Variants in RASSF6 observed in about 807,000 individuals in gnomAD.
The protein encoded by RASSF6 is ras association domain-containing protein 6.
Under a neutral mutation model 44.0 loss-of-function variants are expected in RASSF6, and 52 were observed. That is an observed-to-expected ratio of 1.18 (90% CI 0.95 to 1.49). RASSF6 has a LOEUF of 1.49. RASSF6 is among the 40% of genes most tolerant of loss of function. RASSF6 has a pLI of 0.00. For synonymous variants in RASSF6, 162 were observed against 124.6 expected (o/e 1.30, Z -2.00); for missense variants, 464 against 393.3 (o/e 1.18, Z -1.52).
At chr4:73,603,588 G>A (rs905068070) in intron 2 of RASSF6, among the ~76,000 whole-genome samples, 5 of 152,128 alleles carry the variant, frequency 3.3e-5, no homozygotes, top group Admixed American at 6.6e-5. Flanking sequence ...AAAATGCTCT[G>A]GTGTACTTTG....
At chr4:73,597,880 C>T (rs7698909) in intron 3 of RASSF6, among the ~76,000 whole-genome samples, 6,324 of 152,244 alleles carry the variant, frequency 0.042, 192 homozygotes, top group African/African-American at 0.081. Context: ...AAACCTAATA[C>T]TGTTTGCTTT....
intron 5 of RASSF6, among the ~76,000 whole-genome samples, chr4:73,585,829 T>C (rs569331623): frequency 3.6e-4 from 55 of 151,872 alleles, no homozygotes; most frequent in African/African-American, 1.2e-3. Context: ...TTTTTATTTT[T>C]ATTTTTATTT....
In RASSF6 at chr4:73,620,326, A is replaced by G. The variant is rs1726619478; in HGVS notation, c.-73T>C. 2.0e-6 allele frequency: 3 copies of G among 1,474,636 alleles called. No homozygotes were observed. Among genetic ancestry groups the G allele is most frequent in the Non-Finnish European group, 9.0e-7 (1 of 1,117,116 alleles). The allele number at this position is 1,474,636 out of a possible 1,614,324, so 91.3% of individuals were successfully genotyped here. ...TGTGAGCAGGAGGACCCTTTTCACC[A>G]TCGTTGTTCGGCTGAACTTGCTTCG... On this transcript the variant is annotated 5_prime_UTR_variant, in exon 1 of 11. The change abolishes an upstream ATG in the 5' untranslated region. Transcript: ENST00000307439.
At chr4:73,592,398 G>A (rs922071605) in intron 4 of RASSF6, among the ~76,000 whole-genome samples, 1 of 152,110 alleles carries the variant, frequency 6.6e-6, no homozygotes, top group Non-Finnish European at 1.5e-5. Context: ...GATGAATGGT[G>A]GGAAAAGAAG....
intron 8 of RASSF6, among the ~76,000 whole-genome samples, chr4:73,579,393 C>T (rs1201890812): frequency 2.0e-5 from 3 of 152,116 alleles, no homozygotes; most frequent in African/African-American, 7.2e-5. Flanking sequence ...GTCATATTTT[C>T]ACTAGTGTTG....
intron 6 of RASSF6, among the ~76,000 whole-genome samples, chr4:73,584,209 A>AC (rs775095279): frequency 5.9e-5 from 9 of 152,052 alleles, no homozygotes; most frequent in Admixed American, 2.0e-4. Flanking sequence ...CACTATCGTT[A>AC]CCCCCCAAGG....
chr4:73,581,722 C>G (rs114221418), intron 8 of RASSF6, 95 bp downstream of exon 8: 1 of 751,710 alleles, frequency 1.3e-6, no homozygotes, highest in Non-Finnish European at 2.3e-6. Flanking sequence ...TCCCCTTTCT[C>G]CACAGAATGA....
intron 4 of RASSF6, among the ~76,000 whole-genome samples, chr4:73,591,371 G>T (rs924705163): frequency 2.6e-5 from 4 of 151,922 alleles, no homozygotes; most frequent in Non-Finnish European, 5.9e-5. Context: ...CATTTCTGTG[G>T]CATTTTCCTT....
chr4:73,579,589 C>A lies in RASSF6; in HGVS notation c.721+2228G>T, dbSNP rs569211831. 4.4e-4 allele frequency among the ~76,000 whole-genome samples: 67 copies of A among 151,988 alleles called. No homozygotes were observed. The Middle Eastern group carries it at 0.027, about 62-fold the overall frequency. On this transcript the variant is annotated intron_variant, in intron 8 of 10. Coordinates refer to ENST00000307439, the MANE Select transcript of RASSF6 (RefSeq NM_177532.5). ...ATTTAACTGGTTATTATGGTTTTTC[C>A]TTTCAATTGTATTTTCATGCTTTTT... is the stretch of plus-strand genomic sequence containing the variant.
intron 1 of RASSF6, among the ~76,000 whole-genome samples, chr4:73,619,724 T>C (rs1578075305): frequency 6.6e-6 from 1 of 152,152 alleles, no homozygotes; most frequent in Admixed American, 6.5e-5. Flanking sequence ...CCTTAACTCA[T>C]GCACTCCCAT....
chr4:73,606,882 T>A (rs922654599), intron 2 of RASSF6, among the ~76,000 whole-genome samples: 2 of 152,190 alleles, frequency 1.3e-5, no homozygotes, highest in Non-Finnish European at 2.9e-5. Flanking sequence ...GATATGCCTT[T>A]CAGCCCCCTG....
rs1202421521 is a variant in RASSF6, at chr4:73,573,647, T to C, written c.*2588A>G. The C allele has an allele frequency of 6.6e-6, 1 of 152,226 alleles. No homozygotes were observed. The highest frequency in any genetic ancestry group is 1.5e-5 in the Non-Finnish European group (1 of 68,042). 9.4% of individuals were successfully genotyped at this position (152,226 alleles called of 1,614,324 possible). A position where few individuals can be genotyped will look rare whatever the true frequency, so the allele number is the denominator to read the frequency against. ...ATCTATTTGTATTTTTACCAGAAGTTTGAGTCCCCATCTCATGGTGATTTA... is the reference window on the plus strand; with the variant it reads ...ATCTATTTGTATTTTTACCAGAAGTCTGAGTCCCCATCTCATGGTGATTTA... On this transcript the variant is annotated 3_prime_UTR_variant, in exon 11 of 11. Coordinates refer to ENST00000307439, the MANE Select transcript of RASSF6 (RefSeq NM_177532.5).
chr4:73,607,308 A>C (rs1725710789), intron 2 of RASSF6, among the ~76,000 whole-genome samples: 1 of 152,014 alleles, frequency 6.6e-6, no homozygotes, highest in East Asian at 1.9e-4. Context: ...GCCTCCTTTC[A>C]AGAGACATTT....
Position 73,581,853 on chromosome 4 carries a change from G to T in RASSF6, c.685C>A (p.Gln229Lys), listed in dbSNP as rs1372600680. ...AAAATAATGTGAAGAGCAAAATCCT[G>T]GGGACTATTTTCAATCTGTCAAGGG... ...LQKFKIENSP[Q>K]DFALHIIFAT... The change falls in exon 8 of 11, where the codon CAG (glutamine) becomes AAG (lysine). Residue 229 changes from glutamine (Q) to lysine (K), a missense_variant. Gln to Lys is a moderately conservative substitution (Grantham distance 53). Transcript: ENST00000307439. 1 of 1,609,486 alleles carries T rather than the reference G, an allele frequency of 6.2e-7. No individual in the cohort carries two copies. The highest frequency in any genetic ancestry group is 1.1e-5 in the South Asian group (1 of 90,694).
At chr4:73,592,677 C>A (rs189545563) in intron 4 of RASSF6, among the ~76,000 whole-genome samples, 2 of 152,164 alleles carry the variant, frequency 1.3e-5, no homozygotes, top group Non-Finnish European at 2.9e-5. Flanking sequence ...CTCTGTTGAA[C>A]AGGATTGGGA....
At chr4:73,590,549 G>T (rs1357274067) in intron 4 of RASSF6, among the ~76,000 whole-genome samples, 1 of 152,110 alleles carries the variant, frequency 6.6e-6, no homozygotes, top group Non-Finnish European at 1.5e-5. Flanking sequence ...CCAGAGGGAG[G>T]GTGTCTAGAA....
At chr4:73,603,312 C>A (rs982818303) in intron 2 of RASSF6, among the ~76,000 whole-genome samples, 23 of 152,114 alleles carry the variant, frequency 1.5e-4, no homozygotes, top group African/African-American at 5.3e-4. Context: ...ATAAACTGGA[C>A]TTCTATCTAA....
intron 7 of RASSF6, 109 bp from the exon 8 acceptor site, chr4:73,581,977 T>C: frequency 1.2e-6 from 1 of 856,706 alleles, no homozygotes; most frequent in Non-Finnish European, 1.8e-6. Context: ...TTTTCACTTT[T>C]AGACATAAAA....
At position 73,576,190 on chromosome 4, in the gene RASSF6, A is replaced by G. The variant is rs763428440; in HGVS notation, c.*45T>C. The stretch of plus-strand genomic sequence containing the variant: ...ACTTATGCATTCATCAAAGAGTAAT[A>G]TCTCTGAGTTTTTTGAAATGTTTTA... On this transcript the variant is annotated 3_prime_UTR_variant, in exon 11 of 11. Transcript: ENST00000307439. The G allele has an allele frequency of 7.6e-6, 8 of 1,059,600 alleles. No homozygotes were observed. The highest frequency in any genetic ancestry group is 1.1e-5 in the Non-Finnish European group (8 of 704,488). 65.6% of individuals were successfully genotyped at this position (1,059,600 alleles called of 1,614,324 possible).
Sources: gnomAD v4.1 joint callset for allele counts (sites outside exome capture counted in the v4.1 genomes callset) on GRCh38, gnomAD v4.1.1 for gene constraint, MANE v1.5 for transcripts, NCBI Gene and HGNC (gene_info 2026-07-23, HGNC 2026-07-21) for gene names.